CIT: variants seen among roughly 807,000 people sequenced by gnomAD.
The protein encoded by CIT is citron rho-interacting serine/threonine kinase, also known as citron Rho-interacting kinase.
Under a neutral mutation model 272.7 loss-of-function variants are expected in CIT, and 79 were observed. That is an observed-to-expected ratio of 0.29 (90% CI 0.24 to 0.35). The LOEUF (loss-of-function observed/expected upper bound fraction) is 0.35, where lower values mean the gene tolerates loss of function less well. Ranked by LOEUF, CIT falls within the 10% of genes least tolerant of loss-of-function variation. CIT has a pLI of 1.00. For missense variants in CIT, 1,909 were observed against 2,618.3 expected, an observed-to-expected ratio of 0.73 and a Z score of 5.91; for synonymous variants, 948 against 995.6, an observed-to-expected ratio of 0.95 and a Z score of 0.90.
At chr12:119,705,309 AG>A (rs1323710742) in intron 40 of CIT, among the ~76,000 whole-genome samples, 1 of 152,216 alleles carries the variant, frequency 6.6e-6, no homozygotes, top group Non-Finnish European at 1.5e-5. Flanking sequence ...TTTCTAGAAC[AG>A]CTGAAACCCT....
intron 3 of CIT, among the ~76,000 whole-genome samples, chr12:119,864,616 G>A (rs1302741498): frequency 1.3e-5 from 2 of 152,226 alleles, no homozygotes; most frequent in African/African-American, 2.4e-5. Context: ...TTACAGGCGT[G>A]AGCCACTGCA....
intron 19 of CIT, among the ~76,000 whole-genome samples, chr12:119,766,839 G>A (rs542380829): frequency 2.7e-5 from 4 of 147,706 alleles, no homozygotes; most frequent in South Asian, 2.2e-4. Flanking sequence ...TAAAAAATCA[G>A]TTTAAAGATG....
At chr12:119,798,728 G>C (rs1490476459) in intron 10 of CIT, among the ~76,000 whole-genome samples, 2 of 152,196 alleles carry the variant, frequency 1.3e-5, no homozygotes, top group African/African-American at 4.8e-5. Context: ...ATAAGACCCA[G>C]CCTTGCCTTG....
intron 9 of CIT, among the ~76,000 whole-genome samples, chr12:119,817,812 T>C (rs890945306): frequency 1.5e-4 from 23 of 151,924 alleles, no homozygotes; most frequent in Non-Finnish European, 2.6e-4. Flanking sequence ...TGGTGGCTCA[T>C]ATCTGTAATC....
intron 7 of CIT, 150 bp downstream of exon 7, chr12:119,832,621 A>G: frequency 1.7e-6 from 1 of 584,056 alleles, no homozygotes; most frequent in Non-Finnish European, 3.0e-6. Context: ...CGGTCTGGGA[A>G]ATGGTTCTGT....
At chr12:119,701,495 G>A in intron 43 of CIT, 129 bp downstream of exon 43, 1 of 1,047,764 alleles carries the variant, frequency 9.5e-7, no homozygotes, top group Non-Finnish European at 1.4e-6. Context: ...GGTGGTGCTG[G>A]AAGGACATTC....
intron 24 of CIT, among the ~76,000 whole-genome samples, chr12:119,738,760 A>G (rs1165235353): frequency 6.6e-6 from 1 of 151,894 alleles, no homozygotes; most frequent in Non-Finnish European, 1.5e-5. Flanking sequence ...GCACATGCCT[A>G]TAATCCCAGC....
At chr12:119,792,319 C>T (rs1965374793) in intron 10 of CIT, among the ~76,000 whole-genome samples, 1 of 152,070 alleles carries the variant, frequency 6.6e-6, no homozygotes, top group African/African-American at 2.4e-5. Flanking sequence ...ATTAGCTCAG[C>T]TGAGGGCCCC....
At chr12:119,820,797 C>T (rs181332639) in intron 9 of CIT, among the ~76,000 whole-genome samples, 6 of 152,062 alleles carry the variant, frequency 3.9e-5, no homozygotes, top group African/African-American at 9.6e-5. Flanking sequence ...CTGGTGAAAC[C>T]GCGTCTCTAC....
chr12:119,859,175 C>T (rs556325266), intron 3 of CIT, among the ~76,000 whole-genome samples: 2 of 152,318 alleles, frequency 1.3e-5, no homozygotes, highest in South Asian at 2.1e-4. Context: ...TACAAGGGAA[C>T]AGCATCATAC....
At chr12:119,819,474 G>A (rs1967500920) in intron 9 of CIT, among the ~76,000 whole-genome samples, 1 of 152,296 alleles carries the variant, frequency 6.6e-6, no homozygotes, top group East Asian at 1.9e-4. Context: ...TTCTTAAATT[G>A]CATTTATATA....
rs1473576930 is a variant in CIT, at chr12:119,768,639, G to A, written c.2209-1457C>T. 6.6e-6 allele frequency among the ~76,000 whole-genome samples: 1 copy of A among 152,186 alleles called. No individual in the cohort carries two copies. Among genetic ancestry groups the A allele is most frequent in the Non-Finnish European group, 1.5e-5 (1 of 68,026 alleles). ...TTCAATCTTAAGACCAGGTGCACAA[G>A]ATCTACTGCAATTCAATAGATGTGA... On this transcript the variant is annotated intron_variant, in intron 18 of 47. Coordinates refer to ENST00000392521, the MANE Select transcript of CIT (RefSeq NM_001206999.2). The surrounding 1 kb of genome is among the most constrained non-coding windows in gnomAD (Gnocchi z 4.3).
Position 119,697,802 on chromosome 12 carries a change from C to T in CIT, c.5739G>A (p.Pro1913=), listed in dbSNP as rs373669183. ...PARAYLDIPN[P]RYLGPAISSG... ...AGGAAATGGCAGGGCCCAGGTAGCGCGGGTTCGGGATGTCCAGGTACGCTC... is the reference window on the plus strand; with the variant it reads ...AGGAAATGGCAGGGCCCAGGTAGCGTGGGTTCGGGATGTCCAGGTACGCTC... The change falls in exon 46 of 48, where the codon CCG becomes CCA. Residue 1913 remains proline, a synonymous_variant. Coordinates refer to ENST00000392521, the MANE Select transcript of CIT (RefSeq NM_001206999.2). The surrounding 1 kb of genome is among the most constrained non-coding windows in gnomAD (Gnocchi z 4.9). 4.0e-5 allele frequency: 65 copies of T among 1,613,980 alleles called. No individual in the cohort carries two copies. The East Asian group carries it at 7.4e-4, about 18-fold the overall frequency.
rs1321948044 is a variant in CIT, at chr12:119,718,141, A to G, written c.4168+104T>C. On this transcript the variant is annotated intron_variant, in intron 32 of 47. Coordinates refer to ENST00000392521, the MANE Select transcript of CIT (RefSeq NM_001206999.2). The surrounding 1 kb of genome is among the most constrained non-coding windows in gnomAD (Gnocchi z 4.8). ...AGGTGTGAGCCACCGTGCCTGGCCAAGACTGACTTTTTAATCTTTAACCCC... is the reference window on the plus strand; with the variant it reads ...AGGTGTGAGCCACCGTGCCTGGCCAGGACTGACTTTTTAATCTTTAACCCC... 7.3e-7 allele frequency: 1 copy of G among 1,361,400 alleles called. No homozygotes were observed. Among genetic ancestry groups the G allele is most frequent in the Non-Finnish European group, 9.8e-7 (1 of 1,017,074 alleles). 84.3% of individuals were successfully genotyped at this position (1,361,400 alleles called of 1,614,324 possible). A position where few individuals can be genotyped will look rare whatever the true frequency, so the allele number is the denominator to read the frequency against.
intron 10 of CIT, among the ~76,000 whole-genome samples, chr12:119,795,760 C>A (rs542377284): frequency 3.9e-5 from 6 of 152,304 alleles, no homozygotes; most frequent in African/African-American, 1.4e-4. Context: ...TCTAATCTTC[C>A]TGAATCAGTG....
At chr12:119,783,848 T>G in intron 12 of CIT, 60 bp downstream of exon 12, 23 of 1,520,104 alleles carry the variant, frequency 1.5e-5, no homozygotes, top group East Asian at 2.3e-5. Context: ...TGAAACAGGA[T>G]GAGACACACA....
intron 7 of CIT, among the ~76,000 whole-genome samples, chr12:119,828,887 G>A (rs1968377901): frequency 6.6e-6 from 1 of 152,048 alleles, no homozygotes; most frequent in African/African-American, 2.4e-5. Flanking sequence ...AATTTTTACT[G>A]TATTAACAGG....
At chr12:119,750,453 C>T (rs1960069783) in intron 23 of CIT, among the ~76,000 whole-genome samples, 1 of 152,172 alleles carries the variant, frequency 6.6e-6, no homozygotes, top group Non-Finnish European at 1.5e-5. Flanking sequence ...TACACAAAGA[C>T]ATACTGTGGT....
rs369662751 is a variant in CIT at position 119,877,205 on chromosome 12, C to G, written c.-14+44G>C. ...TGGAGGCGGCCCTCCCCTGGCCTTG[C>G]AGAGCCGGGTGCGGTAGAATTGGGT... is the stretch of plus-strand genomic sequence containing the variant. On this transcript the variant is annotated intron_variant, in intron 1 of 47. Coordinates refer to ENST00000392521, the MANE Select transcript of CIT (RefSeq NM_001206999.2). 9.8e-5 allele frequency: 15 copies of G among 152,400 alleles called. 2 individuals are homozygous for G. The highest frequency in any genetic ancestry group is 3.4e-4 in the African/African-American group (14 of 41,578). The allele number at this position is 152,400 out of a possible 1,614,324, so 9.4% of individuals were successfully genotyped here.
Sources: allele counts gnomAD v4.1 joint callset (sites outside exome capture counted in the v4.1 genomes callset), GRCh38; gene constraint gnomAD v4.1.1; non-coding constraint Gnocchi (gnomAD v3.1); transcripts MANE v1.5; gene names NCBI Gene and HGNC (gene_info 2026-07-23, HGNC 2026-07-21).